ADAMTS10: variants seen among roughly 807,000 people sequenced by gnomAD.
ADAMTS10 encodes ADAM metallopeptidase with thrombospondin type 1 motif 10.
In ADAMTS10, 48 loss-of-function variants were observed where a neutral mutation model predicts 135.9. That is an observed-to-expected ratio of 0.35 (90% confidence interval 0.28 to 0.45). The LOEUF is 0.45. Ranked by LOEUF, ADAMTS10 falls within the 20% of genes least tolerant of loss-of-function variation. ADAMTS10 has a pLI of 1.00. For missense variants in ADAMTS10, 1,131 were observed against 1,565.2 expected (o/e 0.72, Z 4.68); for synonymous variants, 621 against 647.5 (o/e 0.96, Z 0.62).
rs141329649 is a variant in ADAMTS10 at position 8,603,882 on chromosome 19, G to T, written c.438C>A (p.His146Gln). The T allele has an allele frequency of 1.9e-6, 3 of 1,606,976 alleles. No homozygotes were observed. The South Asian group carries it at 3.3e-5, about 18-fold the overall frequency. Reference protein sequence around the residue: ...HVAISTCGGLHGLIVADEEEY... With the variant: ...HVAISTCGGLQGLIVADEEEY... ...CTTCCTCGTCTGCCACGATCAGGCC[G>T]TGCTGGGTTTTGAGAAGTGGGATAG... is the stretch of plus-strand genomic sequence containing the variant. The change falls in exon 5 of 26, where the codon CAC becomes CAA. Residue 146 changes from histidine to glutamine, a missense_variant and splice_region_variant. Around this residue, in one of 3 missense-constraint regions of ADAMTS10, gnomAD observed 306 missense variants for 344.4 expected, o/e 0.89. Coordinates refer to ENST00000597188, the MANE Select transcript of ADAMTS10 (RefSeq NM_030957.4).
At chr19:8,590,805 A>G (rs2042514544) in intron 15 of ADAMTS10, among the ~76,000 whole-genome samples, 1 of 152,138 alleles carries the variant, frequency 6.6e-6, no homozygotes, top group African/African-American at 2.4e-5. Context: ...CATGTTGGCC[A>G]GGATGGTCTC....
chr19:8,587,007 C>T, intron 18 of ADAMTS10, 111 bp from the exon 19 acceptor site: 1 of 1,113,904 alleles, frequency 9.0e-7, no homozygotes, highest in African/African-American at 1.5e-5. Context: ...GCTAAACACA[C>T]ATCTAACTGC....
Position 8,580,577 on chromosome 19 carries a change from G to T in ADAMTS10, c.*316C>A. The stretch of plus-strand genomic sequence containing the variant: ...ACATATTCCGATCAAAGGAGGGGGG[G>T]AGTGTTGGGGACTCCCTAAGGGTGG... On this transcript the variant is annotated 3_prime_UTR_variant, in exon 26 of 26. Transcript: ENST00000597188. The T allele has an allele frequency of 2.9e-6, 1 of 344,902 alleles. No homozygotes were observed. Among genetic ancestry groups the T allele is most frequent in the South Asian group, 2.5e-5 (1 of 39,890 alleles). 21.4% of individuals were successfully genotyped at this position (344,902 alleles called of 1,614,324 possible). A position where few individuals can be genotyped will look rare whatever the true frequency, so the allele number is the denominator to read the frequency against.
chr19:8,608,584 A>C (rs1358109446), intron 1 of ADAMTS10, among the ~76,000 whole-genome samples: 1 of 152,110 alleles, frequency 6.6e-6, no homozygotes, highest in Non-Finnish European at 1.5e-5. Flanking sequence ...CAAGTGAAGC[A>C]GGGACCTCAC....
chr19:8,605,298 T>C lies in ADAMTS10; in HGVS notation c.149A>G (p.Asn50Ser), dbSNP rs1555742343. 1.2e-6 allele frequency: 2 copies of C among 1,612,262 alleles called. No individual in the cohort carries two copies. Among genetic ancestry groups the C allele is most frequent in the Non-Finnish European group, 1.7e-6 (2 of 1,179,300 alleles). Residue 50 changes from asparagine (N) to serine (S), a missense_variant, in exon 4 of 26, where the codon AAC becomes AGC. Asn to Ser is a conservative substitution (Grantham distance 46). This residue lies in a region of ADAMTS10 where 306 missense variants were observed against 344.4 expected (regional missense o/e 0.89). Transcript: ENST00000597188. The surrounding 1 kb of genome is among the most constrained non-coding windows in gnomAD (Gnocchi z 7.7). ...EIAFPTRVDH[N>S]GALLAFSPPP... ...TGGCGAGAAGGCCAGCAGTGCCCCG[T>C]TGTGGTCCACGCGGGTGGGGAAGGC...
intron 6 of ADAMTS10, 26 bp from the exon 7 acceptor site, chr19:8,597,343 C>G: frequency 6.2e-7 from 1 of 1,607,244 alleles, no homozygotes; most frequent in Non-Finnish European, 8.5e-7. Flanking sequence ...CAAGAGAGAC[C>G]GAGTCTTAAG....
intron 25 of ADAMTS10, among the ~76,000 whole-genome samples, chr19:8,584,037 C>T (rs533867732): frequency 4.1e-4 from 60 of 147,844 alleles, no homozygotes; most frequent in Admixed American, 2.1e-3. Context: ...GGCACCTGTA[C>T]TCCCAGCTAC....
chr19:8,604,909 A>G, intron 4 of ADAMTS10, 103 bp downstream of exon 4: 1 of 1,311,488 alleles, frequency 7.6e-7, no homozygotes, highest in South Asian at 1.3e-5. Context: ...ACACTTAAAA[A>G]ACATCCCACT....
intron 25 of ADAMTS10, among the ~76,000 whole-genome samples, chr19:8,583,931 G>A (rs553199180): frequency 3.9e-5 from 6 of 152,086 alleles, no homozygotes; most frequent in African/African-American, 7.2e-5. Flanking sequence ...GGCCAAGGCC[G>A]GCGGATCACA....
intron 25 of ADAMTS10, among the ~76,000 whole-genome samples, chr19:8,582,936 C>T (rs566231381): frequency 2.0e-5 from 3 of 152,284 alleles, no homozygotes; most frequent in African/African-American, 4.8e-5. Context: ...AGGCGTGAGC[C>T]ACCACGCCCA....
intron 6 of ADAMTS10, among the ~76,000 whole-genome samples, chr19:8,599,557 C>T (rs1555740983): frequency 6.6e-6 from 1 of 151,876 alleles, no homozygotes; most frequent in Non-Finnish European, 1.5e-5. Flanking sequence ...TCTTGAACTC[C>T]TGACCTCAGG....
chr19:8,593,104 T>C (rs1409178147), intron 12 of ADAMTS10: 4 of 588,852 alleles, frequency 6.8e-6, no homozygotes, highest in Non-Finnish European at 1.2e-5. Flanking sequence ...GCCATATACC[T>C]CTTTAGGCAG....
At chr19:8,583,794 T>G (rs537925424) in intron 25 of ADAMTS10, among the ~76,000 whole-genome samples, 4 of 151,482 alleles carry the variant, frequency 2.6e-5, no homozygotes, top group Non-Finnish European at 5.9e-5. Context: ...GAGGTGGAGG[T>G]TGCAGTGAGC....
intron 12 of ADAMTS10, 55 bp from the exon 13 acceptor site, chr19:8,592,925 G>T: frequency 6.5e-7 from 1 of 1,526,872 alleles, no homozygotes. Context: ...CCCTGGGGCA[G>T]CCCGCCCGGC....
Position 8,592,701 on chromosome 19 carries a change from T to C in ADAMTS10, c.1587+62A>G, listed in dbSNP as rs369013821. The C allele has an allele frequency of 1.8e-5, 27 of 1,497,698 alleles. No homozygotes were observed. The Admixed American group carries it at 5.2e-4, about 29-fold the overall frequency. 92.8% of individuals were successfully genotyped at this position (1,497,698 alleles called of 1,614,324 possible). A position where few individuals can be genotyped will look rare whatever the true frequency, so the allele number is the denominator to read the frequency against. On this transcript the variant is annotated intron_variant, in intron 13 of 25. Transcript: ENST00000597188. ...AGGCCGAAGGACAGGCGGGTAGGCG[T>C]GGCCAACGCGGGAGGTGGCTCAGGG... is the stretch of plus-strand genomic sequence containing the variant.
Position 8,605,637 on chromosome 19 carries a change from G to C in ADAMTS10, c.74C>G (p.Ala25Gly), listed in dbSNP as rs1555742455. 6.2e-7 allele frequency: 1 copy of C among 1,613,692 alleles called. No homozygotes were observed. The highest frequency in any genetic ancestry group is 2.2e-5 in the East Asian group (1 of 44,840). ...ACTTCCCCTACCTTGAGACCGGAAGGCGTGCGTGACCTCGAACATGAGGCC... is the reference window on the plus strand; with the variant it reads ...ACTTCCCCTACCTTGAGACCGGAAGCCGTGCGTGACCTCGAACATGAGGCC... ...GLGLMFEVTH[A>G]FRSQDEFLSS... Residue 25 changes from alanine (A) to glycine (G), a missense_variant, in exon 3 of 26, where the codon GCC becomes GGC. By Grantham distance (60) the Ala-to-Gly change is moderately conservative. Around this residue, in one of 3 missense-constraint regions of ADAMTS10, gnomAD observed 306 missense variants for 344.4 expected, o/e 0.89. Transcript: ENST00000597188. This position sits in a 1 kb window ranked among gnomAD's most constrained non-coding sequence, Gnocchi z 7.7.
intron 13 of ADAMTS10, 69 bp downstream of exon 13, chr19:8,592,694 G>T: frequency 8.9e-6 from 13 of 1,456,036 alleles, no homozygotes; most frequent in Non-Finnish European, 1.2e-5. Context: ...GGACAGGCGG[G>T]TAGGCGTGGC....
chr19:8,592,186 C>T (rs1662401951), intron 13 of ADAMTS10, 83 bp from the exon 14 acceptor site: 5 of 1,600,146 alleles, frequency 3.1e-6, no homozygotes, highest in Non-Finnish European at 4.3e-6. Flanking sequence ...CTCCAGGCCC[C>T]AGCCAGAGAT....
intron 18 of ADAMTS10, among the ~76,000 whole-genome samples, chr19:8,588,776 G>C (rs1568395201): frequency 6.6e-6 from 1 of 151,686 alleles, no homozygotes; most frequent in Non-Finnish European, 1.5e-5. Context: ...AGACAGATTC[G>C]GGCTCCTGTC....
Sources: allele counts gnomAD v4.1 joint callset (sites outside exome capture counted in the v4.1 genomes callset), GRCh38; gene constraint gnomAD v4.1.1; regional missense constraint gnomAD v4.1.1; non-coding constraint Gnocchi (gnomAD v3.1); transcripts MANE v1.5; gene names NCBI Gene and HGNC (gene_info 2026-07-23, HGNC 2026-07-21).